Variants in AUTS2 observed in about 807,000 individuals in gnomAD.
The protein encoded by AUTS2 is autism susceptibility gene 2 protein.
In AUTS2, 17 loss-of-function variants were observed where a neutral mutation model predicts 112.4. The ratio of observed to expected loss-of-function variants is 0.15; its 90% confidence interval spans 0.10 to 0.23. The LOEUF (loss-of-function observed/expected upper bound fraction) is 0.23. Ranked by LOEUF, AUTS2 falls within the 10% of genes least tolerant of loss-of-function variation. The pLI is 1.00. For missense variants in AUTS2, 1,510 were observed against 1,701.6 expected (o/e 0.89, Z 1.98); for synonymous variants, 751 against 702.7 (o/e 1.07, Z -1.09).
intron 2 of AUTS2, among the ~76,000 whole-genome samples, chr7:70,000,025 C>A (rs192125117): frequency 5.3e-5 from 8 of 152,120 alleles, no homozygotes; most frequent in Non-Finnish European, 8.8e-5. Flanking sequence ...CAGCTTAATT[C>A]GACTGGATGC....
rs1411240917 is a variant in AUTS2, at chr7:70,792,814, G to A, written c.*1818G>A. 1 of 152,504 alleles carries A rather than the reference G, an allele frequency of 6.6e-6. No homozygotes were observed. Among genetic ancestry groups the A allele is most frequent in the African/African-American group, 2.4e-5 (1 of 41,402 alleles). The allele number at this position is 152,504 out of a possible 1,614,324, so 9.4% of individuals were successfully genotyped here. ...ACTGAATCTTCAGCATGTTCTCATC[G>A]GCGGAGCCTTCTTGTGTAATGTAAA... On this transcript the variant is annotated 3_prime_UTR_variant, in exon 19 of 19. Transcript: ENST00000342771.
At chr7:70,245,142 G>GTATATATATATATATATATATA (rs1225794976) in intron 4 of AUTS2, among the ~76,000 whole-genome samples, 20 of 72,210 alleles carry the variant, frequency 2.8e-4, no homozygotes, top group African/African-American at 1.1e-3. Context: ...AAGTGTGTGT[G>GTATATATATATATATATATATA]TGTATATATA....
intron 2 of AUTS2, among the ~76,000 whole-genome samples, chr7:69,955,515 C>T (rs1797177483): frequency 1.3e-5 from 2 of 152,150 alleles, no homozygotes; most frequent in Non-Finnish European, 2.9e-5. Context: ...TTATTAGGGG[C>T]TTACATACAG....
chr7:69,846,520 G>A (rs1014417), intron 1 of AUTS2, among the ~76,000 whole-genome samples: 53,658 of 151,970 alleles, frequency 0.35, 9,942 homozygotes, highest in African/African-American at 0.46. Flanking sequence ...CCTATGTGTC[G>A]GGTGTTACAC....
At chr7:70,769,421 C>T (rs1790182109) in intron 10 of AUTS2, among the ~76,000 whole-genome samples, 1 of 152,236 alleles carries the variant, frequency 6.6e-6, no homozygotes, top group African/African-American at 2.4e-5. Context: ...TGCAGTGGCT[C>T]ATGCCTGTAA....
intron 4 of AUTS2, chr7:70,291,460 T>A (rs1788704632): frequency 6.6e-6 from 1 of 152,152 alleles, no homozygotes; most frequent in South Asian, 2.1e-4. Flanking sequence ...ATGTGATAAT[T>A]CCTATTTTCA....
intron 3 of AUTS2, 144 bp from the exon 4 acceptor site, chr7:70,134,392 G>A (rs1038316115): frequency 1.5e-6 from 1 of 678,452 alleles, no homozygotes; most frequent in East Asian, 2.6e-5. Flanking sequence ...GTTTGTATCA[G>A]TAGCAGATGA....
At chr7:69,939,160 A>G (rs1278336756) in intron 2 of AUTS2, among the ~76,000 whole-genome samples, 1 of 152,048 alleles carries the variant, frequency 6.6e-6, no homozygotes, top group African/African-American at 2.4e-5. Context: ...TGCTGGTGAC[A>G]CCTCCCAGTT....
At chr7:69,841,437 C>T (rs1791975352) in intron 1 of AUTS2, among the ~76,000 whole-genome samples, 1 of 152,106 alleles carries the variant, frequency 6.6e-6, no homozygotes, top group South Asian at 2.1e-4. Flanking sequence ...ATGAAGGATC[C>T]ACTCTCATGA....
intron 2 of AUTS2, among the ~76,000 whole-genome samples, chr7:70,050,783 C>T (rs1801715932): frequency 6.6e-6 from 1 of 152,076 alleles, no homozygotes; most frequent in African/African-American, 2.4e-5. Context: ...TCACCTGAGG[C>T]CAGGAGTTTG....
intron 4 of AUTS2, among the ~76,000 whole-genome samples, chr7:70,214,334 G>A (rs918416780): frequency 6.6e-6 from 1 of 152,084 alleles, no homozygotes; most frequent in African/African-American, 2.4e-5. Context: ...TTTCTCCCAA[G>A]CTCATTCTTG....
intron 2 of AUTS2, among the ~76,000 whole-genome samples, chr7:69,979,888 G>A (rs1349501267): frequency 2.6e-5 from 4 of 152,058 alleles, no homozygotes; most frequent in African/African-American, 7.2e-5. Flanking sequence ...TTTTGGAGTT[G>A]GTTTCCAGTG....
chr7:70,406,321 C>A (rs1200960517), intron 4 of AUTS2, among the ~76,000 whole-genome samples: 1 of 152,158 alleles, frequency 6.6e-6, no homozygotes, highest in African/African-American at 2.4e-5. Context: ...ATATTAACTT[C>A]TGTGCTGAAA....
At chr7:70,022,159 G>A (rs963953065) in intron 2 of AUTS2, among the ~76,000 whole-genome samples, 2 of 150,304 alleles carry the variant, frequency 1.3e-5, no homozygotes, top group Non-Finnish European at 2.9e-5. Flanking sequence ...AAACATCAGA[G>A]AAAGGAGAGA....
At chr7:70,070,236 T>C (rs531781190) in intron 2 of AUTS2, among the ~76,000 whole-genome samples, 1 of 152,086 alleles carries the variant, frequency 6.6e-6, no homozygotes, top group Non-Finnish European at 1.5e-5. Context: ...TCTGGGGATA[T>C]TAGATGTGTT....
intron 1 of AUTS2, among the ~76,000 whole-genome samples, chr7:69,876,351 T>TAA: frequency 2.2e-5 from 1 of 44,710 alleles, no homozygotes; most frequent in Admixed American, 2.7e-4. Context: ...AAAAAAAAAA[T>TAA]ATATATATAT....
intron 1 of AUTS2, among the ~76,000 whole-genome samples, chr7:69,696,568 A>G (rs149075939): frequency 6.6e-6 from 1 of 152,316 alleles, no homozygotes; most frequent in African/African-American, 2.4e-5. Flanking sequence ...TAGAAATACC[A>G]GCAGATAATC....
chr7:70,236,554 G>T (rs745671450), intron 4 of AUTS2, among the ~76,000 whole-genome samples: 7 of 152,094 alleles, frequency 4.6e-5, no homozygotes, highest in Non-Finnish European at 8.8e-5. Context: ...GTATATTGCC[G>T]ATTTAGGAAC....
intron 5 of AUTS2, among the ~76,000 whole-genome samples, chr7:70,661,677 C>G (rs143401757): frequency 1.3e-5 from 2 of 151,820 alleles, no homozygotes; most frequent in African/African-American, 4.8e-5. Context: ...ATCTGTAGAT[C>G]GATGCTGGTG....
Sources: gnomAD v4.1 joint callset for allele counts (sites outside exome capture counted in the v4.1 genomes callset) on GRCh38, gnomAD v4.1.1 for gene constraint, MANE v1.5 for transcripts, NCBI Gene and HGNC (gene_info 2026-07-23, HGNC 2026-07-21) for gene names.